The following AFM variants were observed in gnomAD, a reference collection of about 807,000 sequenced individuals.
AFM encodes the protein afamin.
In AFM, 82 loss-of-function variants were observed where a neutral mutation model predicts 68.7. That is an observed-to-expected ratio of 1.19 (90% CI 1.00 to 1.43). The LOEUF is 1.43. Ranked by LOEUF, AFM falls within the 40% of genes most tolerant of loss-of-function variation. AFM has a pLI of 0.00. For synonymous variants in AFM, 250 were observed against 234.2 expected, an observed-to-expected ratio of 1.07 and a Z score of -0.61; for missense variants, 772 against 701.8, an observed-to-expected ratio of 1.10 and a Z score of -1.13.
At chr4:73,482,203 G>A (rs1412087282) in intron 1 of AFM, among the ~76,000 whole-genome samples, 1 of 152,214 alleles carries the variant, frequency 6.6e-6, no homozygotes, top group African/African-American at 2.4e-5. Context: ...AACAATAGAT[G>A]TTAACTGGGA....
intron 3 of AFM, among the ~76,000 whole-genome samples, chr4:73,485,069 A>G (rs914810650): frequency 2.0e-5 from 3 of 152,196 alleles, no homozygotes; most frequent in Admixed American, 2.0e-4. Context: ...ATGTTCAGGC[A>G]GAAGAGGAAG....
chr4:73,495,435 A>G lies in AFM; in HGVS notation c.1191+3A>G. The G allele has an allele frequency of 6.2e-7, 1 of 1,607,646 alleles. No individual in the cohort carries two copies. The highest frequency in any genetic ancestry group is 8.5e-7 in the Non-Finnish European group (1 of 1,178,452). On this transcript the variant is annotated splice_donor_region_variant and intron_variant, in intron 9 of 14. Transcript: ENST00000226355. ...CTCCAGGTTGTTACCGTTACGCGGT[A>G]GGTTCCATTGTTGTAGGTTCAGAAA...
chr4:73,488,496 A>C (rs1720974029), intron 6 of AFM, 134 bp from the exon 7 acceptor site: 1 of 705,576 alleles, frequency 1.4e-6, no homozygotes. Flanking sequence ...TTTGATAAAG[A>C]CTTCTATAAA....
chr4:73,497,792 T>C (rs1721299564), intron 10 of AFM, 43 bp downstream of exon 10: 1 of 1,235,386 alleles, frequency 8.1e-7, no homozygotes, highest in Non-Finnish European at 1.2e-6. Context: ...CCACTAGAAT[T>C]GAATACATAA....
intron 7 of AFM, 40 bp downstream of exon 7, chr4:73,488,799 G>A: frequency 6.4e-7 from 1 of 1,571,994 alleles, no homozygotes; most frequent in Admixed American, 2.0e-5. Context: ...AGTGATTTTT[G>A]GCAATTATCA....
rs752151201 is a variant in AFM at position 73,488,759 on chromosome 4, G to A, written c.843G>A (p.Thr281=). ...EGDVVQCIRD[T]SKVMNHICSK... ...ATGTTGTGCAGTGCATCCGTGACAC[G>A]GTGAATATTCTCTAAAACCAAGTTA... Residue 281 remains threonine (T), a splice_region_variant and synonymous_variant, in exon 7 of 15, where the codon ACG becomes ACA. Transcript: ENST00000226355. 139 of 1,602,954 alleles carry A rather than the reference G, an allele frequency of 8.7e-5. No individual in the cohort carries two copies. Among genetic ancestry groups the A allele is most frequent in the Non-Finnish European group, 1.0e-4 (123 of 1,176,892 alleles).
intron 10 of AFM, 51 bp downstream of exon 10, chr4:73,497,800 T>A: frequency 1.7e-6 from 2 of 1,177,918 alleles, no homozygotes; most frequent in Non-Finnish European, 2.4e-6. Context: ...ATTGAATACA[T>A]AATCCCTCGA....
chr4:73,503,854 A>C (rs1161588028), intron 14 of AFM, 22 bp from the exon 15 acceptor site: 1 of 152,126 alleles, frequency 6.6e-6, no homozygotes, highest in African/African-American at 2.4e-5. Flanking sequence ...TTGATGCATG[A>C]AATACTATCT....
At chr4:73,498,357 C>G (rs559968521) in intron 10 of AFM, among the ~76,000 whole-genome samples, 50 of 152,194 alleles carry the variant, frequency 3.3e-4, no homozygotes, top group African/African-American at 1.1e-3. Flanking sequence ...GTGATCTCAG[C>G]TCACTGCAAT....
chr4:73,497,080 G>A (rs1721279007), intron 9 of AFM, among the ~76,000 whole-genome samples: 2 of 152,152 alleles, frequency 1.3e-5, no homozygotes, highest in South Asian at 4.1e-4. Flanking sequence ...ATCCACTGGT[G>A]TTTAGTTCTC....
chr4:73,499,394 C>T (rs184431940), intron 11 of AFM, 148 bp downstream of exon 11: 3 of 860,708 alleles, frequency 3.5e-6, no homozygotes, highest in East Asian at 6.4e-5. Context: ...TTCCTTTTGG[C>T]TCACTTTGTG....
intron 1 of AFM, among the ~76,000 whole-genome samples, chr4:73,483,449 A>G (rs766040764): frequency 2.0e-5 from 3 of 152,234 alleles, no homozygotes; most frequent in East Asian, 1.9e-4. Flanking sequence ...GTGTATGCTC[A>G]TTGGGAGGGA....
chr4:73,487,923 C>A, intron 6 of AFM, 102 bp downstream of exon 6: 1 of 774,412 alleles, frequency 1.3e-6, no homozygotes, highest in Non-Finnish European at 2.1e-6. Flanking sequence ...CTTCCTAGTA[C>A]CTAGGGGCTT....
chr4:73,488,522 A>T (rs1720974672), intron 6 of AFM, 108 bp from the exon 7 acceptor site: 2 of 915,060 alleles, frequency 2.2e-6, no homozygotes, highest in Admixed American at 5.6e-5. Context: ...CAACAACAGC[A>T]ATGGTGGCAA....
rs755764173 is a variant in AFM at position 73,488,611 on chromosome 4, T to A, written c.714-19T>A. ...TTGCTGTTCAAATTATTTTTGTGGT[T>A]TATCAATTCTCTTTCCAGATATATT... On this transcript the variant is annotated intron_variant, in intron 6 of 14. Coordinates refer to ENST00000226355, the MANE Select transcript of AFM (RefSeq NM_001133.2). 1.1e-5 allele frequency: 18 copies of A among 1,597,032 alleles called. No homozygotes were observed.
At chr4:73,492,884 T>C (rs1721119379) in intron 8 of AFM, among the ~76,000 whole-genome samples, 1 of 151,594 alleles carries the variant, frequency 6.6e-6, no homozygotes, top group African/African-American at 2.4e-5. Flanking sequence ...TTTTTGTTGT[T>C]GTTTGTTTTT....
At position 73,500,151 on chromosome 4, in the gene AFM, TTCTC is replaced by T. The variant is rs1461582101; in HGVS notation, c.1573_1576del (p.Ser525LysfsTer29). On this transcript the variant is annotated frameshift_variant, in exon 12 of 15. Coordinates refer to ENST00000226355, the MANE Select transcript of AFM (RefSeq NM_001133.2). LOFTEE classifies it high-confidence loss of function. ...TGATAAAACATATGTGCCTCCACCT[TTCTC>T]TCAAGATTTATTTACCTTTCACGCA... 2 of 1,613,994 alleles carry T rather than the reference TTCTC, an allele frequency of 1.2e-6. No individual in the cohort carries two copies. The highest frequency in any genetic ancestry group is 2.7e-5 in the African/African-American group (2 of 75,060).
intron 13 of AFM, 26 bp downstream of exon 13, chr4:73,501,945 ATTCAACTGGTT>A: frequency 6.2e-7 from 1 of 1,607,186 alleles, no homozygotes; most frequent in South Asian, 1.1e-5. Context: ...TTCTACTGAA[ATTCAACTGGTT>A]TTCCTGGTCA....
At position 73,495,477 on chromosome 4, in the gene AFM, T is replaced by C. The variant is rs371064845; in HGVS notation, c.1191+45T>C. ...GTTCAGAAAATCAAAAAAGAACAAC[T>C]AGAAAACACTTAAAAATTGATATCA... On this transcript the variant is annotated intron_variant, in intron 9 of 14. Transcript: ENST00000226355. 2.3e-5 allele frequency: 37 copies of C among 1,585,360 alleles called. No individual in the cohort carries two copies. The African/African-American group carries it at 4.8e-4, about 21-fold the overall frequency.
Sources: gnomAD v4.1 joint callset for allele counts (sites outside exome capture counted in the v4.1 genomes callset) on GRCh38, gnomAD v4.1.1 for gene constraint, MANE v1.5 for transcripts, NCBI Gene and HGNC (gene_info 2026-07-23, HGNC 2026-07-21) for gene names.